Variants in ST6GAL2 observed in about 807,000 individuals in gnomAD.
ST6GAL2 encodes ST6 beta-galactoside alpha-2,6-sialyltransferase 2.
Under a neutral mutation model 37.5 loss-of-function variants are expected in ST6GAL2, and 24 were observed. The ratio of observed to expected loss-of-function variants is 0.64; its 90% CI spans 0.46 to 0.90. The LOEUF (loss-of-function observed/expected upper bound fraction) is 0.90, where lower values mean the gene tolerates loss of function less well. ST6GAL2 is among the 40% of genes least tolerant of loss of function. The pLI is 0.00. For synonymous variants in ST6GAL2, 306 were observed against 295.1 expected (o/e 1.04, Z -0.38); for missense variants, 715 against 712.7 (o/e 1.00, Z -0.04).
intron 2 of ST6GAL2, among the ~76,000 whole-genome samples, chr2:106,835,879 T>C (rs1676614919): frequency 6.6e-6 from 1 of 152,232 alleles, no homozygotes; most frequent in Admixed American, 6.5e-5. Context: ...AATTTAAGGA[T>C]TTGTTCATAC....
At chr2:106,810,407 C>T (rs541783925) in intron 5 of ST6GAL2, among the ~76,000 whole-genome samples, 1 of 152,282 alleles carries the variant, frequency 6.6e-6, no homozygotes, top group Non-Finnish European at 1.5e-5. Flanking sequence ...GGGTGTTTGT[C>T]CTGAGTTTTC....
At position 106,844,005 on chromosome 2, in the gene ST6GAL2, G is replaced by A. The variant is rs750729353; in HGVS notation, c.-28C>T. On this transcript the variant is annotated 5_prime_UTR_variant, in exon 2 of 6. Transcript: ENST00000409382. ...CAGGTCTCTGCGGTCAGCACCTTGTGTCTTAATGCAGATGGGTGGCAGAAT... is the reference window on the plus strand; with the variant it reads ...CAGGTCTCTGCGGTCAGCACCTTGTATCTTAATGCAGATGGGTGGCAGAAT... The A allele has an allele frequency of 4.1e-5, 63 of 1,523,002 alleles. No homozygotes were observed. In the East Asian group the frequency reaches 1.4e-3, roughly 34 times the overall value. 94.3% of individuals were successfully genotyped at this position (1,523,002 alleles called of 1,614,324 possible).
intron 2 of ST6GAL2, among the ~76,000 whole-genome samples, chr2:106,836,230 G>T (rs1455680472): frequency 6.6e-6 from 1 of 152,052 alleles, no homozygotes; most frequent in Admixed American, 6.5e-5. Flanking sequence ...TAGAAAGTTG[G>T]TTTCTCACAT....
intron 2 of ST6GAL2, among the ~76,000 whole-genome samples, chr2:106,836,716 T>C (rs1676653056): frequency 6.9e-6 from 1 of 144,260 alleles, no homozygotes; most frequent in South Asian, 2.2e-4. Context: ...TCATCTGAGG[T>C]TGGGAGTTCG....
At chr2:106,837,123 A>G (rs1676679920) in intron 2 of ST6GAL2, among the ~76,000 whole-genome samples, 1 of 152,096 alleles carries the variant, frequency 6.6e-6, no homozygotes, top group African/African-American at 2.4e-5. Context: ...TTCCTTTTTG[A>G]GAATATATCT....
chr2:106,809,388 G>T (rs970720496), intron 5 of ST6GAL2, among the ~76,000 whole-genome samples: 2 of 152,236 alleles, frequency 1.3e-5, no homozygotes, highest in African/African-American at 4.8e-5. Flanking sequence ...AGAAACCACA[G>T]TTCTTTGCTA....
At chr2:106,829,949 T>C in intron 5 of ST6GAL2, 117 bp downstream of exon 5, 1 of 964,962 alleles carries the variant, frequency 1.0e-6, no homozygotes, top group South Asian at 1.6e-5. Context: ...ATACTTCTGG[T>C]TCCAGGCATT....
At chr2:106,852,250 G>A (rs1391052583) in intron 1 of ST6GAL2, among the ~76,000 whole-genome samples, 3 of 152,208 alleles carry the variant, frequency 2.0e-5, no homozygotes, top group South Asian at 4.1e-4. Context: ...GTACAGTCCT[G>A]CGGGATTGCC....
chr2:106,869,970 G>A (rs1315349696), intron 1 of ST6GAL2, among the ~76,000 whole-genome samples: 1 of 152,194 alleles, frequency 6.6e-6, no homozygotes, highest in African/African-American at 2.4e-5. Flanking sequence ...CCACTGCGCT[G>A]TGCCACTTTC....
intron 1 of ST6GAL2, among the ~76,000 whole-genome samples, chr2:106,875,182 T>C (rs558514999): frequency 6.6e-6 from 1 of 151,404 alleles, no homozygotes; most frequent in Non-Finnish European, 1.5e-5. Flanking sequence ...TTCTTTTTTT[T>C]TTTTTTTTGA....
In ST6GAL2 at chr2:106,803,763, C is replaced by T. The variant is rs1675332154; in HGVS notation, c.*2915G>A. 6.6e-6 allele frequency: 1 copy of T among 152,110 alleles called. No homozygotes were observed. Among genetic ancestry groups the T allele is most frequent in the South Asian group, 2.1e-4 (1 of 4,810 alleles). The allele number at this position is 152,110 out of a possible 1,614,324, so 9.4% of individuals were successfully genotyped here. On this transcript the variant is annotated 3_prime_UTR_variant, in exon 6 of 6. Transcript: ENST00000409382. ...CACCAAGAGGATTTTTTTTTATCAG[C>T]TTCCCTTCATAAGAGAGGATGGAGG... is the stretch of plus-strand genomic sequence containing the variant.
chr2:106,877,846 C>T (rs1385440547), intron 1 of ST6GAL2, among the ~76,000 whole-genome samples: 1 of 152,216 alleles, frequency 6.6e-6, no homozygotes, highest in African/African-American at 2.4e-5. Flanking sequence ...GAGAAACAAA[C>T]CAATCAATAT....
chr2:106,829,581 A>G (rs1558687663), intron 5 of ST6GAL2, among the ~76,000 whole-genome samples: 1 of 152,184 alleles, frequency 6.6e-6, no homozygotes, highest in African/African-American at 2.4e-5. Flanking sequence ...ATAGAACAGA[A>G]AGAACTGCCC....
intron 1 of ST6GAL2, among the ~76,000 whole-genome samples, chr2:106,873,346 A>G (rs1181380362): frequency 6.6e-6 from 1 of 152,178 alleles, no homozygotes; most frequent in Non-Finnish European, 1.5e-5. Context: ...TTCTTCATGG[A>G]CAACTGATGT....
chr2:106,815,659 T>G (rs1675773886), intron 5 of ST6GAL2, among the ~76,000 whole-genome samples: 1 of 152,198 alleles, frequency 6.6e-6, no homozygotes, highest in South Asian at 2.1e-4. Context: ...CACATGATAA[T>G]TCAAAGCTAA....
chr2:106,849,453 A>T (rs2104542255), intron 1 of ST6GAL2, among the ~76,000 whole-genome samples: 1 of 152,356 alleles, frequency 6.6e-6, no homozygotes, highest in Middle Eastern at 3.4e-3. Flanking sequence ...ACTCTGGTAT[A>T]GCATCACGTG....
Position 106,856,233 on chromosome 2 carries a change from T to C in ST6GAL2, c.-57-12199A>G, listed in dbSNP as rs2377691. Reference sequence around the variant, plus strand: ...CTGAGCTAAGCACTCATGTATTCCATCTTGGCTCCTAACTGCCTAGGATAA... The same window carrying C: ...CTGAGCTAAGCACTCATGTATTCCACCTTGGCTCCTAACTGCCTAGGATAA... On this transcript the variant is annotated intron_variant, in intron 1 of 5. Coordinates refer to ENST00000409382, the MANE Select transcript of ST6GAL2 (RefSeq NM_001142351.2). Among the ~76,000 whole-genome samples, 493 of 152,170 alleles carry C rather than the reference T, an allele frequency of 3.2e-3. 4 individuals are homozygous for C. The highest frequency in any genetic ancestry group is 0.017 in the Middle Eastern group (5 of 294).
chr2:106,843,432 C>T lies in ST6GAL2; in HGVS notation c.546G>A (p.Arg182=), dbSNP rs1357307343. 1.2e-6 allele frequency: 2 copies of T among 1,614,138 alleles called. No homozygotes were observed. The highest frequency in any genetic ancestry group is 1.7e-6 in the Non-Finnish European group (2 of 1,180,026). Residue 182 remains arginine, a synonymous_variant, in exon 2 of 6, where the codon AGG becomes AGA. Transcript: ENST00000409382. ...CGTCGCCCTCCTCCAACACGTGGCT[C>T]CTTCTCTGCCTCCGGTGCCTCTTCT... ...RVKKRHRRQR[R]SHVLEEGDDG...
At position 106,811,197 on chromosome 2, in the gene ST6GAL2, T is replaced by C. The variant is rs368660579; in HGVS notation, c.1319-4248A>G. Among the ~76,000 whole-genome samples, 21 of 152,318 alleles carry C rather than the reference T, an allele frequency of 1.4e-4. No homozygotes were observed. In the South Asian group the frequency reaches 3.7e-3, roughly 27 times the overall value. The stretch of plus-strand genomic sequence containing the variant: ...GTCATATAATAAATAGTGAAAATTA[T>C]TAGTATTAAATTTGATTCCATCTAC... On this transcript the variant is annotated intron_variant, in intron 5 of 5. Transcript: ENST00000409382.
Sources: gnomAD v4.1 joint callset for allele counts (sites outside exome capture counted in the v4.1 genomes callset) on GRCh38, gnomAD v4.1.1 for gene constraint, MANE v1.5 for transcripts, NCBI Gene and HGNC (gene_info 2026-07-23, HGNC 2026-07-21) for gene names.